The following LRMDA variants were observed in gnomAD, a reference collection of about 807,000 sequenced individuals.
The protein encoded by LRMDA is leucine rich melanocyte differentiation associated, also known as leucine-rich melanocyte differentiation-associated protein.
In LRMDA, 18 loss-of-function variants were observed where a neutral mutation model predicts 29.8. The observed-to-expected ratio is 0.60, with a 90% CI of 0.42 to 0.90. The LOEUF is 0.90. LRMDA is among the 40% of genes least tolerant of loss of function. The probability of loss-of-function intolerance (pLI) is 0.00; values close to 1 mark genes in which losing one functional copy is unlikely to be tolerated. For synonymous variants in LRMDA, 125 were observed against 109.4 expected, an observed-to-expected ratio of 1.14 and a Z score of -0.89; for missense variants, 273 against 273.9, an observed-to-expected ratio of 1.00 and a Z score of 0.02.
At chr10:75,834,282 G>C (rs539665421) in intron 2 of LRMDA, among the ~76,000 whole-genome samples, 1 of 152,172 alleles carries the variant, frequency 6.6e-6, no homozygotes, top group Non-Finnish European at 1.5e-5. Flanking sequence ...TCTGGCTTCT[G>C]TTGAGATGGT....
intron 5 of LRMDA, among the ~76,000 whole-genome samples, chr10:76,195,904 A>G (rs1018592283): frequency 1.3e-5 from 2 of 152,226 alleles, no homozygotes; most frequent in African/African-American, 4.8e-5. Flanking sequence ...TAAGGTTATT[A>G]TTAAAGACAC....
At chr10:75,642,443 A>G (rs987104992) in intron 2 of LRMDA, 33 of 152,180 alleles carry the variant, frequency 2.2e-4, no homozygotes, top group African/African-American at 8.0e-4. Flanking sequence ...TTTTCAGGGA[A>G]TTTTATACTT....
intron 2 of LRMDA, among the ~76,000 whole-genome samples, chr10:75,965,991 T>A (rs1181397588): frequency 6.6e-6 from 1 of 152,360 alleles, no homozygotes; most frequent in Admixed American, 6.5e-5. Flanking sequence ...ACCTGTACCC[T>A]TATCTCCTTA....
intron 5 of LRMDA, among the ~76,000 whole-genome samples, chr10:76,068,287 T>A (rs889469813): frequency 1.3e-5 from 2 of 152,234 alleles, no homozygotes; most frequent in African/African-American, 4.8e-5. Context: ...ACTTAACATT[T>A]ACCTGATCTT....
chr10:75,685,086 A>G (rs1397703206), intron 2 of LRMDA, among the ~76,000 whole-genome samples: 1 of 152,150 alleles, frequency 6.6e-6, no homozygotes, highest in Non-Finnish European at 1.5e-5. Flanking sequence ...ACTTAAATTT[A>G]ATTTTATAAT....
intron 5 of LRMDA, among the ~76,000 whole-genome samples, chr10:76,202,918 C>T (rs1378077158): frequency 6.6e-6 from 1 of 152,170 alleles, no homozygotes; most frequent in East Asian, 1.9e-4. Flanking sequence ...ACCAGCTTAG[C>T]AACACTAAAT....
At chr10:76,282,689 C>G (rs1840221458) in intron 5 of LRMDA, among the ~76,000 whole-genome samples, 1 of 152,164 alleles carries the variant, frequency 6.6e-6, no homozygotes, top group African/African-American at 2.4e-5. Flanking sequence ...AAGACAGCTA[C>G]TTTTTATTTA....
chr10:75,736,829 T>C (rs906269217), intron 2 of LRMDA, among the ~76,000 whole-genome samples: 11 of 152,160 alleles, frequency 7.2e-5, no homozygotes, highest in African/African-American at 2.7e-4. Flanking sequence ...CCCCCTTCAA[T>C]ATCAGATGAA....
chr10:75,931,121 C>T (rs1484695681), intron 2 of LRMDA, among the ~76,000 whole-genome samples: 1 of 152,172 alleles, frequency 6.6e-6, no homozygotes, highest in African/African-American at 2.4e-5. Context: ...GGAGCTAAAA[C>T]TGCTTTTTAC....
intron 6 of LRMDA, among the ~76,000 whole-genome samples, chr10:76,527,937 G>C (rs191812457): frequency 2.8e-4 from 43 of 152,176 alleles, no homozygotes; most frequent in Non-Finnish European, 5.4e-4. Context: ...AAAACACAGT[G>C]AGAAACATGT....
intron 2 of LRMDA, among the ~76,000 whole-genome samples, chr10:75,585,868 C>T (rs903171081): frequency 5.3e-5 from 8 of 152,212 alleles, no homozygotes; most frequent in Non-Finnish European, 8.8e-5. Flanking sequence ...CACTATTCAA[C>T]TCTTTGATTC....
At chr10:76,278,557 C>T (rs759727972) in intron 5 of LRMDA, among the ~76,000 whole-genome samples, 5 of 152,200 alleles carry the variant, frequency 3.3e-5, no homozygotes, top group African/African-American at 1.2e-4. Flanking sequence ...TGACCCTCAA[C>T]AAGATAACCT....
intron 2 of LRMDA, among the ~76,000 whole-genome samples, chr10:75,969,017 A>G (rs555653844): frequency 5.3e-5 from 8 of 152,216 alleles, no homozygotes; most frequent in Non-Finnish European, 1.2e-4. Context: ...CTTGGGTAAT[A>G]TAATAAAGCC....
Position 76,366,006 on chromosome 10 carries a change from C to T in LRMDA, c.601+41521C>T, listed in dbSNP as rs550016320. Among the ~76,000 whole-genome samples, 318 of 152,198 alleles carry T rather than the reference C, an allele frequency of 2.1e-3. 6 individuals carry two copies. The highest frequency in any genetic ancestry group is 7.4e-3 in the African/African-American group (306 of 41,534). On this transcript the variant is annotated intron_variant, in intron 6 of 6. Coordinates refer to ENST00000611255, the MANE Select transcript of LRMDA (RefSeq NM_001305581.2). ...CATTTGTTGAAAAGGGTGTCCTTTC[C>T]CCACTTTATGTTTTTGTTTACTTTG...
At chr10:75,570,494 A>G (rs1470644648) in intron 2 of LRMDA, among the ~76,000 whole-genome samples, 2 of 152,166 alleles carry the variant, frequency 1.3e-5, no homozygotes, top group East Asian at 3.8e-4. Context: ...GGTGTGATGT[A>G]ATAGGTTTGA....
At chr10:75,544,677 A>G (rs1840056088) in intron 2 of LRMDA, among the ~76,000 whole-genome samples, 1 of 152,144 alleles carries the variant, frequency 6.6e-6, no homozygotes, top group Non-Finnish European at 1.5e-5. Flanking sequence ...GTGTGTGTTT[A>G]AAAAACTTTC....
chr10:75,808,460 T>G (rs1843897003), intron 2 of LRMDA, among the ~76,000 whole-genome samples: 1 of 152,238 alleles, frequency 6.6e-6, no homozygotes, highest in Non-Finnish European at 1.5e-5. Flanking sequence ...TTCTTTTCTA[T>G]ACATAGCTAG....
At chr10:75,965,746 T>G (rs887986272) in intron 2 of LRMDA, among the ~76,000 whole-genome samples, 1 of 152,216 alleles carries the variant, frequency 6.6e-6, no homozygotes, top group Admixed American at 6.5e-5. Flanking sequence ...TTTAGGTAAC[T>G]TCAAACTCTA....
chr10:76,508,774 A>G (rs1842982734), intron 6 of LRMDA, among the ~76,000 whole-genome samples: 1 of 152,200 alleles, frequency 6.6e-6, no homozygotes, highest in South Asian at 2.1e-4. Context: ...TCTTCTCCCT[A>G]TGAGTTAGGC....
Sources: gnomAD v4.1 joint callset for allele counts (sites outside exome capture counted in the v4.1 genomes callset) on GRCh38, gnomAD v4.1.1 for gene constraint, MANE v1.5 for transcripts, NCBI Gene and HGNC (gene_info 2026-07-23, HGNC 2026-07-21) for gene names.